The following LIN28B variants were observed in gnomAD, a reference collection of about 807,000 sequenced individuals.
The protein encoded by LIN28B is lin-28 RNA binding posttranscriptional regulator B, also known as protein lin-28 homolog B.
Under a neutral mutation model 21.9 loss-of-function variants are expected in LIN28B, and 5 were observed. The ratio of observed to expected loss-of-function variants is 0.23; its 90% CI spans 0.12 to 0.48. The LOEUF (loss-of-function observed/expected upper bound fraction) is 0.48, where lower values mean the gene tolerates loss of function less well. Ranked by LOEUF, LIN28B falls within the 20% of genes least tolerant of loss-of-function variation. LIN28B has a pLI of 0.98. For synonymous variants in LIN28B, 109 were observed against 111.3 expected (o/e 0.98, Z 0.13); for missense variants, 245 against 310.5 (o/e 0.79, Z 1.58).
chr6:104,965,622 A>C (rs953269921), intron 2 of LIN28B, among the ~76,000 whole-genome samples: 10 of 152,202 alleles, frequency 6.6e-5, no homozygotes, highest in Admixed American at 3.9e-4. Flanking sequence ...CCTGGGCTCA[A>C]GTGATCCTCC....
chr6:105,072,986 T>C (rs1772361154), intron 3 of LIN28B, among the ~76,000 whole-genome samples: 1 of 152,098 alleles, frequency 6.6e-6, no homozygotes, highest in East Asian at 1.9e-4. Context: ...TTTAGGAAGG[T>C]TGGTTCCAGG....
At chr6:105,026,609 A>T in intron 3 of LIN28B, 127 bp downstream of exon 3, 1 of 594,246 alleles carries the variant, frequency 1.7e-6, no homozygotes, top group Non-Finnish European at 3.0e-6. Flanking sequence ...GAATATATTA[A>T]ATATCAGAAA....
intron 1 of LIN28B, 32 bp downstream of exon 1, chr6:104,957,292 ATTTC>A (rs1778303550): frequency 6.6e-7 from 1 of 1,525,698 alleles, no homozygotes; most frequent in African/African-American, 1.4e-5. Flanking sequence ...TTTACTGTGA[ATTTC>A]TTTCTTCTTT....
intron 2 of LIN28B, among the ~76,000 whole-genome samples, chr6:105,003,288 A>G (rs1247577783): frequency 6.6e-6 from 1 of 152,218 alleles, no homozygotes; most frequent in African/African-American, 2.4e-5. Context: ...GGAGTGATTC[A>G]TAATGTTCAG....
chr6:104,948,909 A>T (rs75990820), intron 2 of LIN28B, among the ~76,000 whole-genome samples: 1 of 152,290 alleles, frequency 6.6e-6, no homozygotes, highest in African/African-American at 2.4e-5. Context: ...TGGCTTTTTA[A>T]AAAAAACTCC....
chr6:105,052,700 T>C (rs1475333447), intron 3 of LIN28B, among the ~76,000 whole-genome samples: 4 of 152,244 alleles, frequency 2.6e-5, no homozygotes, highest in Non-Finnish European at 5.9e-5. Context: ...TATTCCTTTA[T>C]GTCCTCTTAA....
chr6:104,942,706 G>T (rs1221097089), intron 2 of LIN28B, among the ~76,000 whole-genome samples: 1 of 152,056 alleles, frequency 6.6e-6, no homozygotes, highest in African/African-American at 2.4e-5. Context: ...GCAATCCAGT[G>T]TGCTTAATTT....
At chr6:104,938,368 G>A (rs1778036721) in intron 2 of LIN28B, among the ~76,000 whole-genome samples, 1 of 152,160 alleles carries the variant, frequency 6.6e-6, no homozygotes, top group Non-Finnish European at 1.5e-5. Context: ...GGTCAGGCAT[G>A]GTGGATCACG....
chr6:104,973,672 T>C (rs775931570), intron 2 of LIN28B, among the ~76,000 whole-genome samples: 59 of 152,232 alleles, frequency 3.9e-4, no homozygotes, highest in Non-Finnish European at 7.9e-4. Flanking sequence ...AAGAAGTTAA[T>C]AACAGATAAT....
At chr6:104,998,448 T>G (rs756059647) in intron 2 of LIN28B, among the ~76,000 whole-genome samples, 2 of 152,174 alleles carry the variant, frequency 1.3e-5, no homozygotes, top group African/African-American at 2.4e-5. Flanking sequence ...AATAGTTTAT[T>G]GTTAAAATAT....
chr6:105,033,083 A>G (rs1171943743), intron 3 of LIN28B, among the ~76,000 whole-genome samples: 1 of 152,208 alleles, frequency 6.6e-6, no homozygotes. Context: ...TTCTGTTTAC[A>G]TCAATGATCC....
chr6:105,027,125 G>A (rs2114342265), intron 3 of LIN28B, among the ~76,000 whole-genome samples: 1 of 152,176 alleles, frequency 6.6e-6, no homozygotes, highest in Non-Finnish European at 1.5e-5. Flanking sequence ...ACCACTGTGG[G>A]AACTCTTAGA....
chr6:104,954,064 C>A (rs1353503254), upstream of LIN28B, among the ~76,000 whole-genome samples: 8 of 152,092 alleles, frequency 5.3e-5, no homozygotes, highest in Admixed American at 2.6e-4. Flanking sequence ...TTTTTCCCCC[C>A]AGTACATTGA....
chr6:105,032,000 T>C (rs1771435033), intron 3 of LIN28B, among the ~76,000 whole-genome samples: 1 of 152,214 alleles, frequency 6.6e-6, no homozygotes, highest in South Asian at 2.1e-4. Context: ...TTTGTGTTTT[T>C]GTGAATGACA....
chr6:105,016,369 G>A (rs7743347), intron 2 of LIN28B, among the ~76,000 whole-genome samples: 4,637 of 152,296 alleles, frequency 0.03, 221 homozygotes, highest in African/African-American at 0.1. Context: ...AGCATGGGTT[G>A]AGTAGGGTGG....
At chr6:105,049,573 C>T (rs990203341) in intron 3 of LIN28B, among the ~76,000 whole-genome samples, 1 of 152,052 alleles carries the variant, frequency 6.6e-6, no homozygotes, top group Non-Finnish European at 1.5e-5. Context: ...CTTTCTGTCT[C>T]GTTGATCTGT....
Position 105,025,622 on chromosome 6 carries a change from A to G in LIN28B, c.199-676A>G, listed in dbSNP as rs557514065. On this transcript the variant is annotated intron_variant, in intron 2 of 3. Coordinates refer to ENST00000345080, the MANE Select transcript of LIN28B (RefSeq NM_001004317.4). ...CCACATCTCTATATAATAAACATAT[A>G]TCTTTTAAAAACTTTAGCTGGACTC... Among the ~76,000 whole-genome samples the G allele has an allele frequency of 3.9e-5, 6 of 152,304 alleles. No homozygotes were observed. In the South Asian group the frequency reaches 1.2e-3, roughly 32 times the overall value.
intron 2 of LIN28B, among the ~76,000 whole-genome samples, chr6:104,999,123 T>G (rs929784522): frequency 1.3e-5 from 2 of 152,120 alleles, no homozygotes; most frequent in Non-Finnish European, 2.9e-5. Context: ...AAAGCAACAT[T>G]TAGTAGATGA....
chr6:104,981,117 TG>T (rs1770213844), intron 2 of LIN28B, among the ~76,000 whole-genome samples: 1 of 152,190 alleles, frequency 6.6e-6, no homozygotes, highest in Non-Finnish European at 1.5e-5. Context: ...CCTTAGCCTT[TG>T]TTTTTTTGTG....
Sources: allele counts gnomAD v4.1 joint callset (sites outside exome capture counted in the v4.1 genomes callset), GRCh38; gene constraint gnomAD v4.1.1; transcripts MANE v1.5; gene names NCBI Gene and HGNC (gene_info 2026-07-23, HGNC 2026-07-21).